The following AGAP1 variants were observed in gnomAD, a reference collection of about 807,000 sequenced individuals.
AGAP1 encodes the protein ArfGAP with GTPase domain, ankyrin repeat and PH domain 1.
AGAP1 carries 29 observed loss-of-function variants against 105.3 expected under a neutral mutation model. The ratio of observed to expected loss-of-function variants is 0.28; its 90% CI spans 0.21 to 0.38. The LOEUF (loss-of-function observed/expected upper bound fraction) is 0.38. Ranked by LOEUF, AGAP1 falls within the 10% of genes least tolerant of loss-of-function variation. The pLI is 1.00. For synonymous variants in AGAP1, 509 were observed against 485.9 expected, an observed-to-expected ratio of 1.05 and a Z score of -0.63; for missense variants, 998 against 1,165.1, an observed-to-expected ratio of 0.86 and a Z score of 2.09.
At chr2:235,686,620 G>GATATATATATATATATATAT (rs1194270184) in intron 1 of AGAP1, among the ~76,000 whole-genome samples, 1 of 57,244 alleles carries the variant, frequency 1.7e-5, no homozygotes, top group Non-Finnish European at 3.2e-5. Context: ...TGGAGATATA[G>GATATATATATATATATATAT]ATATATATAT....
intron 13 of AGAP1, among the ~76,000 whole-genome samples, chr2:236,019,471 T>G (rs1576078113): frequency 6.6e-6 from 1 of 152,324 alleles, no homozygotes; most frequent in South Asian, 2.1e-4. Flanking sequence ...GCATCCTCAG[T>G]GCTGAGAAAT....
intron 1 of AGAP1, among the ~76,000 whole-genome samples, chr2:235,545,439 T>C (rs1009161029): frequency 1.3e-5 from 2 of 152,196 alleles, no homozygotes; most frequent in African/African-American, 2.4e-5. Context: ...GGTTTACTTA[T>C]AGGAAGTTTG....
intron 9 of AGAP1, among the ~76,000 whole-genome samples, chr2:235,810,019 G>A (rs187894235): frequency 4.6e-5 from 7 of 152,210 alleles, no homozygotes; most frequent in Admixed American, 3.3e-4. Context: ...CCAAGGATTC[G>A]GACCAGGCCT....
chr2:235,742,262 C>T (rs1219778220), intron 4 of AGAP1, among the ~76,000 whole-genome samples: 1 of 152,112 alleles, frequency 6.6e-6, no homozygotes, highest in Non-Finnish European at 1.5e-5. Flanking sequence ...GAGGGCTGTG[C>T]GGTTATACAG....
intron 16 of AGAP1, among the ~76,000 whole-genome samples, chr2:236,093,008 T>A (rs1007292767): frequency 2.6e-5 from 4 of 152,226 alleles, no homozygotes; most frequent in Non-Finnish European, 5.9e-5. Context: ...GCAGTTTATG[T>A]GACACATTTA....
rs1953445095 is a variant in AGAP1 at position 235,751,588 on chromosome 2, A to G, written c.673+1100A>G. 2.0e-5 allele frequency among the ~76,000 whole-genome samples: 3 copies of G among 152,222 alleles called. No homozygotes were observed. In the South Asian group the frequency reaches 6.2e-4, roughly 32 times the overall value. ...CAATTTTCTATTACATGTTTAAATT[A>G]GTCTTCAGATGAAATTGTAGGGATT... is the stretch of plus-strand genomic sequence containing the variant. On this transcript the variant is annotated intron_variant, in intron 6 of 17. Coordinates refer to ENST00000304032, the MANE Select transcript of AGAP1 (RefSeq NM_001037131.3). This position sits in a 1 kb window ranked among gnomAD's most constrained non-coding sequence, Gnocchi z 5.3.
At chr2:236,108,209 G>A (rs531670360) in intron 16 of AGAP1, among the ~76,000 whole-genome samples, 3 of 152,220 alleles carry the variant, frequency 2.0e-5, no homozygotes, top group Admixed American at 6.5e-5. Context: ...GCGCCCGCTC[G>A]CAGTGGGCCG....
chr2:235,853,891 C>T (rs1665544160), intron 9 of AGAP1, among the ~76,000 whole-genome samples: 1 of 151,832 alleles, frequency 6.6e-6, no homozygotes, highest in African/African-American at 2.4e-5. Context: ...GCGACAGTCC[C>T]TAGTCATTCA....
At position 235,988,951 on chromosome 2, in the gene AGAP1, C is replaced by T. The variant is rs1165773891; in HGVS notation, c.1645+20328C>T. ...TTCTCACACACCTGCACCTTGGGGT[C>T]GTTGAGTTTTAGTTTAGGTCTTCCG... is the stretch of plus-strand genomic sequence containing the variant. On this transcript the variant is annotated intron_variant, in intron 13 of 17. Transcript: ENST00000304032. The surrounding 1 kb of genome is among the most constrained non-coding windows in gnomAD (Gnocchi z 4.7). 1.3e-5 allele frequency among the ~76,000 whole-genome samples: 2 copies of T among 152,088 alleles called. No homozygotes were observed. The highest frequency in any genetic ancestry group is 1.9e-4 in the East Asian group (1 of 5,164).
intron 1 of AGAP1, among the ~76,000 whole-genome samples, chr2:235,592,404 G>A (rs1000564184): frequency 6.6e-6 from 1 of 151,984 alleles, no homozygotes; most frequent in Non-Finnish European, 1.5e-5. Flanking sequence ...GCCATGTTCT[G>A]GGGGGCAGTG....
Position 235,807,287 on chromosome 2 carries a change from C to A in AGAP1, c.1006C>A (p.Arg336Ser). Reference protein sequence around the residue: ...PDKEKKGLESRADSIGSGRAI... With the variant: ...PDKEKKGLESSADSIGSGRAI... Reference sequence around the variant, plus strand: ...CAAAGAGAAGAAAGGCCTGGAGAGTCGTGCGGACAGCATTGGGAGCGGCCG... The same window carrying A: ...CAAAGAGAAGAAAGGCCTGGAGAGTAGTGCGGACAGCATTGGGAGCGGCCG... The change falls in exon 9 of 18, where the codon CGT becomes AGT. Residue 336 changes from arginine to serine, a missense_variant. Physicochemically the swap from Arg to Ser is moderately radical, Grantham distance 110. This residue lies in a region of AGAP1 where 735 missense variants were observed against 833.4 expected (regional missense o/e 0.88). Coordinates refer to ENST00000304032, the MANE Select transcript of AGAP1 (RefSeq NM_001037131.3). The A allele has an allele frequency of 6.2e-7, 1 of 1,605,640 alleles. No homozygotes were observed. The highest frequency in any genetic ancestry group is 8.5e-7 in the Non-Finnish European group (1 of 1,177,806).
chr2:235,670,211 A>C (rs945154835), intron 1 of AGAP1: 1 of 576,364 alleles, frequency 1.7e-6, no homozygotes, highest in African/African-American at 2.0e-5. Context: ...CATGGTCAGG[A>C]AGGAGCAGCT....
chr2:235,912,019 C>G (rs1451826882), intron 11 of AGAP1, among the ~76,000 whole-genome samples: 1 of 152,168 alleles, frequency 6.6e-6, no homozygotes, highest in Non-Finnish European at 1.5e-5. Flanking sequence ...TGGTGTGCGG[C>G]AGGAGGGCGC....
intron 1 of AGAP1, among the ~76,000 whole-genome samples, chr2:235,518,887 A>G (rs1342388155): frequency 2.0e-5 from 3 of 152,192 alleles, no homozygotes; most frequent in Non-Finnish European, 4.4e-5. Context: ...CTGCTCCTGC[A>G]GCGGAAGAGT....
At chr2:235,913,555 C>G (rs2051725580) in intron 11 of AGAP1, among the ~76,000 whole-genome samples, 1 of 152,160 alleles carries the variant, frequency 6.6e-6, no homozygotes, top group Admixed American at 6.5e-5. Flanking sequence ...GACCTGGTGT[C>G]CCTGCATTGT....
intron 8 of AGAP1, among the ~76,000 whole-genome samples, chr2:235,802,146 C>T (rs1444868900): frequency 1.3e-5 from 2 of 152,104 alleles, no homozygotes; most frequent in Non-Finnish European, 2.9e-5. Context: ...GACTCACTGC[C>T]AGAGTCAACC....
At chr2:235,914,331 T>G (rs943308498) in intron 11 of AGAP1, among the ~76,000 whole-genome samples, 1 of 152,182 alleles carries the variant, frequency 6.6e-6, no homozygotes, top group Non-Finnish European at 1.5e-5. Flanking sequence ...ATGCCCACCC[T>G]TGATTAATGC....
At chr2:235,794,803 G>A (rs1355198624) in intron 6 of AGAP1, among the ~76,000 whole-genome samples, 6 of 152,096 alleles carry the variant, frequency 3.9e-5, no homozygotes, top group Non-Finnish European at 1.5e-5. Flanking sequence ...AAATCCACGT[G>A]ATTGTGTTTC....
At chr2:235,711,894 G>A (rs1452779911) in intron 2 of AGAP1, among the ~76,000 whole-genome samples, 1 of 152,176 alleles carries the variant, frequency 6.6e-6, no homozygotes, top group Non-Finnish European at 1.5e-5. Flanking sequence ...GTGACATGAT[G>A]TCATGGCAAG....
Sources: gnomAD v4.1 joint callset for allele counts (sites outside exome capture counted in the v4.1 genomes callset) on GRCh38, gnomAD v4.1.1 for gene constraint, gnomAD v4.1.1 regional missense constraint, Gnocchi (gnomAD v3.1) non-coding constraint, MANE v1.5 for transcripts, NCBI Gene and HGNC (gene_info 2026-07-23, HGNC 2026-07-21) for gene names.